COL10A1: variants seen among roughly 807,000 people sequenced by gnomAD.
COL10A1 encodes the protein collagen alpha-1(X) chain.
Under a neutral mutation model 18.2 loss-of-function variants are expected in COL10A1, and 10 were observed. The ratio of observed to expected loss-of-function variants is 0.55; its 90% CI spans 0.34 to 0.93. COL10A1 has a LOEUF of 0.93. COL10A1 is among the 40% of genes least tolerant of loss of function. The pLI is 0.02. For missense variants in COL10A1, 897 were observed against 853.5 expected (o/e 1.05, Z -0.64); for synonymous variants, 330 against 316.6 (o/e 1.04, Z -0.45).
chr6:116,192,666 A>T, the COL10A1 span, among the ~76,000 whole-genome samples: 85 of 152,176 alleles, frequency 5.6e-4, no homozygotes, highest in Non-Finnish European at 1.5e-4. Context: ...AAACTTTGTA[A>T]CTGAATTTTG....
intron 1 of COL10A1, among the ~76,000 whole-genome samples, chr6:116,151,452 G>A (rs550338521): frequency 4.6e-5 from 7 of 152,164 alleles, no homozygotes; most frequent in Non-Finnish European, 1.0e-4. Flanking sequence ...GGCATTTATA[G>A]AGTAAAATTT....
At chr6:116,150,290 A>T (rs1195963208) in intron 1 of COL10A1, among the ~76,000 whole-genome samples, 1 of 151,600 alleles carries the variant, frequency 6.6e-6, no homozygotes, top group Non-Finnish European at 1.5e-5. Flanking sequence ...TTAACTTTTT[A>T]ATTATTATTT....
At chr6:116,136,017 G>A (rs1226315224) in intron 1 of COL10A1, among the ~76,000 whole-genome samples, 1 of 151,774 alleles carries the variant, frequency 6.6e-6, no homozygotes, top group African/African-American at 2.4e-5. Context: ...TCACCATGCT[G>A]TACATTAGAT....
chr6:116,208,521 T>C, the COL10A1 span, among the ~76,000 whole-genome samples: 1 of 152,066 alleles, frequency 6.6e-6, no homozygotes, highest in East Asian at 1.9e-4. Context: ...GCACAGTTAA[T>C]TTGTAAGGCT....
chr6:116,152,898 G>A (rs1412355198), intron 1 of COL10A1, among the ~76,000 whole-genome samples: 1 of 152,024 alleles, frequency 6.6e-6, no homozygotes, highest in East Asian at 1.9e-4. Context: ...GATGTCGCCA[G>A]AGAAAAGGAA....
chr6:116,193,771 AT>A, the COL10A1 span, among the ~76,000 whole-genome samples: 1 of 35,474 alleles, frequency 2.8e-5, no homozygotes, highest in Admixed American at 2.9e-4. Context: ...ACTGTTAAAA[AT>A]AAAAAAAGAG....
intron 1 of COL10A1, among the ~76,000 whole-genome samples, chr6:116,154,790 C>T (rs1562141808): frequency 6.6e-6 from 1 of 152,124 alleles, no homozygotes; most frequent in South Asian, 2.1e-4. Context: ...TTGTTTACGC[C>T]TCAGGATTAA....
At chr6:116,168,936 A>C in the COL10A1 span, among the ~76,000 whole-genome samples, 61 of 152,228 alleles carry the variant, frequency 4.0e-4, no homozygotes, top group African/African-American at 1.4e-3. Flanking sequence ...TCTGGTTCGT[A>C]CTTCTTTCTG....
chr6:116,169,523 T>C, the COL10A1 span, among the ~76,000 whole-genome samples: 1 of 152,232 alleles, frequency 6.6e-6, no homozygotes, highest in Admixed American at 6.5e-5. Flanking sequence ...AAAATATATA[T>C]CTTAACAAGC....
In COL10A1 at chr6:116,120,645, G is replaced by GC. The variant is rs1349350653; in HGVS notation, c.1470dup (p.Pro491AlafsTer33). 1 of 1,548,704 alleles carries GC rather than the reference G, an allele frequency of 6.5e-7. No homozygotes were observed. On this transcript the variant is annotated frameshift_variant, in exon 3 of 3. Transcript: ENST00000651968. LOFTEE classifies it low-confidence loss of function (END_TRUNC). The stretch of plus-strand genomic sequence containing the variant: ...CCTCTTGGACCTGGAGGCCCTGGTG[G>GC]CCCGGTGGGTCCATTGAGGCCCTTA...
chr6:116,216,102 GTA>G, the COL10A1 span, among the ~76,000 whole-genome samples: 1 of 151,928 alleles, frequency 6.6e-6, no homozygotes, highest in Non-Finnish European at 1.5e-5. Flanking sequence ...TGCTTAATTG[GTA>G]TAGTGTAAGA....
the COL10A1 span, among the ~76,000 whole-genome samples, chr6:116,176,098 T>A: frequency 6.6e-6 from 1 of 152,176 alleles, no homozygotes; most frequent in Admixed American, 6.5e-5. Flanking sequence ...TTGTGTGAGG[T>A]TGAATCAGTC....
At chr6:116,214,583 G>A in the COL10A1 span, among the ~76,000 whole-genome samples, 1 of 152,028 alleles carries the variant, frequency 6.6e-6, no homozygotes, top group East Asian at 1.9e-4. Context: ...CACATCTTCA[G>A]GCCCCACCCC....
chr6:116,146,538 G>A (rs969449371), intron 1 of COL10A1, among the ~76,000 whole-genome samples: 1 of 152,170 alleles, frequency 6.6e-6, no homozygotes, highest in Non-Finnish European at 1.5e-5. Flanking sequence ...ACAAAAGAAA[G>A]TATGTGCCAG....
At chr6:116,182,617 T>A in the COL10A1 span, among the ~76,000 whole-genome samples, 1 of 152,278 alleles carries the variant, frequency 6.6e-6, no homozygotes, top group Middle Eastern at 3.4e-3. Flanking sequence ...GGTTTTGGTT[T>A]GCATTTCCCT....
chr6:116,125,900 T>G, intron 1 of COL10A1, 153 bp downstream of exon 1: 1 of 162,968 alleles, frequency 6.1e-6, no homozygotes, highest in East Asian at 1.8e-4. Context: ...CACAGACTGA[T>G]GCAAAAAGAA....
chr6:116,179,592 A>T, the COL10A1 span, among the ~76,000 whole-genome samples: 20 of 152,232 alleles, frequency 1.3e-4, no homozygotes, highest in African/African-American at 4.8e-4. Flanking sequence ...AGACCTTTTT[A>T]AAAATTAACC....
the COL10A1 span, among the ~76,000 whole-genome samples, chr6:116,185,176 G>A: frequency 6.6e-6 from 1 of 151,940 alleles, no homozygotes; most frequent in African/African-American, 2.4e-5. Context: ...TGATTTTGAG[G>A]GTTCCTTTTG....
the COL10A1 span, among the ~76,000 whole-genome samples, chr6:116,216,370 A>G: frequency 6.9e-6 from 1 of 145,812 alleles, no homozygotes; most frequent in Non-Finnish European, 1.5e-5. Context: ...CTGGTAGCAC[A>G]TTAGGACTAC....
Sources: allele counts gnomAD v4.1 joint callset (sites outside exome capture counted in the v4.1 genomes callset), GRCh38; gene constraint gnomAD v4.1.1; transcripts MANE v1.5; gene names NCBI Gene and HGNC (gene_info 2026-07-23, HGNC 2026-07-21).